The following MCF2L variants were observed in gnomAD, a reference collection of about 807,000 sequenced individuals.
The protein encoded by MCF2L is MCF.2 cell line derived transforming sequence like, also known as guanine nucleotide exchange factor DBS.
In MCF2L, 97 loss-of-function variants were observed where a neutral mutation model predicts 153.4. The ratio of observed to expected loss-of-function variants is 0.63; its 90% confidence interval spans 0.54 to 0.75. The LOEUF (loss-of-function observed/expected upper bound fraction) is 0.75. Among genes scored for constraint, MCF2L ranks in the 30% least tolerant of loss-of-function variants. The probability of loss-of-function intolerance (pLI) is 0.00; values close to 1 mark genes in which losing one functional copy is unlikely to be tolerated. For missense variants in MCF2L, 1,347 were observed against 1,495.2 expected, an observed-to-expected ratio of 0.90 and a Z score of 1.64; for synonymous variants, 659 against 632.2, an observed-to-expected ratio of 1.04 and a Z score of -0.64.
intron 7 of MCF2L, 55 bp downstream of exon 7, chr13:113,065,140 C>A: frequency 6.3e-7 from 1 of 1,597,580 alleles, no homozygotes; most frequent in Non-Finnish European, 8.5e-7. Flanking sequence ...CAGTCAGAAG[C>A]TGCGCGGGGC....
intron 2 of MCF2L, among the ~76,000 whole-genome samples, chr13:112,959,888 C>T (rs1243064308): frequency 3.3e-5 from 5 of 152,338 alleles, no homozygotes; most frequent in Admixed American, 6.5e-5. Flanking sequence ...TCTGAATGGT[C>T]GTGCCTGTCT....
chr13:112,901,348 T>C (rs549244918), intron 1 of MCF2L, among the ~76,000 whole-genome samples: 1 of 152,310 alleles, frequency 6.6e-6, no homozygotes, highest in Admixed American at 6.5e-5. Context: ...GAGACGGGGT[T>C]TCGGCATGTT....
rs376105885 is a variant in MCF2L at position 112,926,447 on chromosome 13, G to A, written c.169+24076G>A. On this transcript the variant is annotated intron_variant, in intron 2 of 29. Coordinates refer to the MCF2L transcript ENST00000375608. ...GTACGGCCTGGTTTCTATACACAGC[G>A]GAGTACTGTACGGCCTGGTCTATAT... Among the ~76,000 whole-genome samples the A allele has an allele frequency of 1.8e-3, 273 of 152,068 alleles. 7 individuals are homozygous for A. The South Asian group carries it at 0.043, about 24-fold the overall frequency.
At position 112,997,001 on chromosome 13, in the gene MCF2L, C is replaced by CTGG. The variant is rs1566707514; in HGVS notation, c.80-17761_80-17759dup. On this transcript the variant is annotated intron_variant, in intron 1 of 29. Coordinates refer to ENST00000535094, the MANE Select transcript of MCF2L (RefSeq NM_001112732.3). ...AGGTGTGGCCGGGCAGCTGTGGGAG[C>CTGG]TGGGCCTAGGCGGGTGCTGCTGCCA... 2.0e-5 allele frequency among the ~76,000 whole-genome samples: 3 copies of CTGG among 152,266 alleles called. No homozygotes were observed. The South Asian group carries it at 6.2e-4, about 32-fold the overall frequency.
At chr13:113,006,188 C>T (rs754023895) in intron 1 of MCF2L, among the ~76,000 whole-genome samples, 4 of 152,228 alleles carry the variant, frequency 2.6e-5, no homozygotes, top group Non-Finnish European at 5.9e-5. Context: ...CTGCGAGAGC[C>T]TCTCCATAGC....
chr13:113,067,223 G>A (rs1479758813), intron 8 of MCF2L, among the ~76,000 whole-genome samples: 3 of 151,748 alleles, frequency 2.0e-5, no homozygotes, highest in Non-Finnish European at 2.9e-5. Context: ...GGCAGAGGTC[G>A]CAGTGAGCCG....
At position 113,096,364 on chromosome 13, in the gene MCF2L, C is replaced by A; in HGVS notation, c.3076-7C>A. On this transcript the variant is annotated splice_region_variant and splice_polypyrimidine_tract_variant and intron_variant, in intron 27 of 29. Transcript: ENST00000535094. ...CGCTGTCTGTGCCCCTGCCCGTCTC[C>A]CACCAGGTTCCAGGTAAATACACGG... 6.4e-7 allele frequency: 1 copy of A among 1,561,218 alleles called. No individual in the cohort carries two copies. Among genetic ancestry groups the A allele is most frequent in the Non-Finnish European group, 8.7e-7 (1 of 1,152,250 alleles).
chr13:113,088,593 A>ACAGAGC lies in MCF2L; in HGVS notation c.2801_2806dup (p.Gln934_Ser935dup). The ACAGAGC allele has an allele frequency of 6.2e-7, 1 of 1,609,908 alleles. No individual in the cohort carries two copies. Among genetic ancestry groups the ACAGAGC allele is most frequent in the African/African-American group, 1.3e-5 (1 of 75,054 alleles). ...GCCAGCACCGGGCGCTGGAGCAGTC[A>ACAGAGC]CAGAGCCTGCCCCTGCCGGCCCCGA... On this transcript the variant is annotated inframe_insertion, in exon 25 of 30. Transcript: ENST00000535094.
intron 1 of MCF2L, among the ~76,000 whole-genome samples, chr13:112,984,434 C>T (rs1195412573): frequency 6.6e-6 from 1 of 152,090 alleles, no homozygotes; most frequent in Non-Finnish European, 1.5e-5. Flanking sequence ...GATGGAGTTT[C>T]GCCATGTTGG....
chr13:112,906,749 A>G (rs1217186806), intron 2 of MCF2L, among the ~76,000 whole-genome samples: 2 of 152,192 alleles, frequency 1.3e-5, no homozygotes, highest in Non-Finnish European at 2.9e-5. Context: ...GTTCGCCCAC[A>G]ACTTCCTTGC....
intron 2 of MCF2L, among the ~76,000 whole-genome samples, chr13:112,944,013 T>TGAGGG (rs2081606964): frequency 1.5e-5 from 2 of 129,674 alleles, no homozygotes. Context: ...TCCCGGGCCT[T>TGAGGG]GAGGGGAGGG....
intron 1 of MCF2L, among the ~76,000 whole-genome samples, chr13:113,014,424 T>C (rs1020014316): frequency 1.3e-5 from 2 of 152,152 alleles, no homozygotes; most frequent in African/African-American, 4.8e-5. Flanking sequence ...AGTGTATTTA[T>C]CCGAGGAGCC....
In MCF2L at chr13:113,046,553, C is replaced by A. The variant is rs1246152174; in HGVS notation, c.369+1192C>A. 1 of 533,348 alleles carries A rather than the reference C, an allele frequency of 1.9e-6. No homozygotes were observed. The highest frequency in any genetic ancestry group is 1.4e-5 in the South Asian group (1 of 71,556). 33.0% of individuals were successfully genotyped at this position (533,348 alleles called of 1,614,324 possible). A position where few individuals can be genotyped will look rare whatever the true frequency, so the allele number is the denominator to read the frequency against. The stretch of plus-strand genomic sequence containing the variant: ...AGGTTTGAGGTATACTGAAAAAAGT[C>A]ATTCCTTTCCCCGCACATTGCCTCA... On this transcript the variant is annotated intron_variant, in intron 4 of 29. Coordinates refer to ENST00000535094, the MANE Select transcript of MCF2L (RefSeq NM_001112732.3). The surrounding 1 kb of genome is among the most constrained non-coding windows in gnomAD (Gnocchi z 4.4).
At chr13:112,976,583 C>T (rs1015464838) in intron 1 of MCF2L, among the ~76,000 whole-genome samples, 16 of 152,198 alleles carry the variant, frequency 1.1e-4, no homozygotes, top group African/African-American at 3.1e-4. Context: ...GTGATGCTCA[C>T]GCGGGGAGCA....
chr13:113,030,355 A>G (rs1218689337), intron 3 of MCF2L, among the ~76,000 whole-genome samples: 1 of 123,266 alleles, frequency 8.1e-6, no homozygotes, highest in Non-Finnish European at 1.6e-5. Flanking sequence ...GTGGACTCTC[A>G]GGTGTCCGCT....
At chr13:112,968,429 C>CGT, upstream of MCF2L, 4 of 1,579,138 alleles carry the variant, frequency 2.5e-6, no homozygotes, top group Non-Finnish European at 1.7e-6. Flanking sequence ...CAGGACGCTG[C>CGT]GTGTGTCGAG....
intron 5 of MCF2L, among the ~76,000 whole-genome samples, chr13:113,062,888 A>G (rs2031746354): frequency 6.6e-6 from 1 of 152,208 alleles, no homozygotes; most frequent in Non-Finnish European, 1.5e-5. Context: ...GGTTTTCCAC[A>G]TAACCATAAC....
chr13:112,945,790 G>T (rs2081630905), intron 2 of MCF2L, among the ~76,000 whole-genome samples: 1 of 152,232 alleles, frequency 6.6e-6, no homozygotes, highest in South Asian at 2.1e-4. Context: ...GTTGTCAAAA[G>T]CAATAATTGG....
chr13:112,936,710 T>C (rs2081518754), intron 2 of MCF2L, among the ~76,000 whole-genome samples: 1 of 152,234 alleles, frequency 6.6e-6, no homozygotes, highest in African/African-American at 2.4e-5. Context: ...TAGGAAATTG[T>C]TTCCTAGGAC....
Sources: gnomAD v4.1 joint callset for allele counts (sites outside exome capture counted in the v4.1 genomes callset) on GRCh38, gnomAD v4.1.1 for gene constraint, Gnocchi (gnomAD v3.1) non-coding constraint, MANE v1.5 for transcripts, NCBI Gene and HGNC (gene_info 2026-07-23, HGNC 2026-07-21) for gene names.